Variants in MARCHF6 observed in about 807,000 individuals in gnomAD.
MARCHF6 encodes membrane associated ring-CH-type finger 6, also known as E3 ubiquitin-protein ligase MARCHF6.
Under a neutral mutation model 133.7 loss-of-function variants are expected in MARCHF6, and 31 were observed. The observed-to-expected ratio is 0.23, with a 90% CI of 0.17 to 0.31. The LOEUF (loss-of-function observed/expected upper bound fraction) is 0.31, where lower values mean the gene tolerates loss of function less well. Among genes scored for constraint, MARCHF6 ranks in the 10% least tolerant of loss-of-function variants. The probability of loss-of-function intolerance (pLI) is 1.00; values close to 1 mark genes in which losing one functional copy is unlikely to be tolerated. For synonymous variants in MARCHF6, 395 were observed against 402.5 expected (o/e 0.98, Z 0.22); for missense variants, 723 against 1,121.6 (o/e 0.64, Z 5.08).
chr5:10,383,775 T>A (rs1395813074), intron 4 of MARCHF6, among the ~76,000 whole-genome samples: 1 of 152,234 alleles, frequency 6.6e-6, no homozygotes, highest in Non-Finnish European at 1.5e-5. Flanking sequence ...GTCTCAATTG[T>A]TAATCTGCAA....
chr5:10,421,693 G>A (rs1163323674), intron 22 of MARCHF6, among the ~76,000 whole-genome samples: 1 of 152,168 alleles, frequency 6.6e-6, no homozygotes, highest in Non-Finnish European at 1.5e-5. Context: ...TCATTTGGGT[G>A]TCTGCTGGAC....
intron 4 of MARCHF6, among the ~76,000 whole-genome samples, chr5:10,383,827 AGATGAT>A (rs1017276993): frequency 1.3e-5 from 2 of 152,248 alleles, no homozygotes; most frequent in African/African-American, 4.8e-5. Context: ...CTAAAATTCC[AGATGAT>A]CTTAACGTGG....
chr5:10,432,938 T>C (rs1740439872), intron 25 of MARCHF6, among the ~76,000 whole-genome samples: 1 of 149,928 alleles, frequency 6.7e-6, no homozygotes, highest in Non-Finnish European at 1.5e-5. Context: ...AGTCACACTC[T>C]GTCACCCAGA....
chr5:10,414,566 A>G (rs1490577821), intron 20 of MARCHF6, 64 bp downstream of exon 20: 4 of 1,333,050 alleles, frequency 3.0e-6, no homozygotes, highest in African/African-American at 1.4e-5. Context: ...GCTATTTGAC[A>G]GAGTCTTGCT....
intron 1 of MARCHF6, among the ~76,000 whole-genome samples, chr5:10,367,449 TAAAA>T (rs1038739617): frequency 3.9e-5 from 6 of 152,170 alleles, no homozygotes; most frequent in African/African-American, 1.4e-4. Flanking sequence ...CTGTTAGTAA[TAAAA>T]AATAATTCTT....
chr5:10,372,009 C>G (rs1300368946), intron 1 of MARCHF6, among the ~76,000 whole-genome samples: 1 of 151,370 alleles, frequency 6.6e-6, no homozygotes, highest in Non-Finnish European at 1.5e-5. Context: ...CCTGTAATGC[C>G]CACTCCTCAT....
In MARCHF6 at chr5:10,417,226, C is replaced by T. The variant is rs201291267; in HGVS notation, c.2149-44C>T. ...CTCAAAATGGAAATAGAGTTTGGCTCAGAAAGATCCTCTTTAATGATGTGG... is the reference window on the plus strand; with the variant it reads ...CTCAAAATGGAAATAGAGTTTGGCTTAGAAAGATCCTCTTTAATGATGTGG... On this transcript the variant is annotated intron_variant, in intron 21 of 25. Coordinates refer to ENST00000274140, the MANE Select transcript of MARCHF6 (RefSeq NM_005885.4). 86 of 1,585,338 alleles carry T rather than the reference C, an allele frequency of 5.4e-5. No homozygotes were observed. In the African/African-American group the frequency reaches 1.1e-3, roughly 20 times the overall value.
intron 14 of MARCHF6, 26 bp from the exon 15 acceptor site, chr5:10,403,381 C>T (rs893479224): frequency 2.1e-5 from 33 of 1,601,598 alleles, no homozygotes; most frequent in Non-Finnish European, 2.7e-5. Context: ...GCACAGATTT[C>T]TCTTACCTGT....
rs1236617137 is a variant in MARCHF6 at position 10,390,519 on chromosome 5, A to C, written c.576+19A>C. On this transcript the variant is annotated intron_variant, in intron 6 of 25. Coordinates refer to ENST00000274140, the MANE Select transcript of MARCHF6 (RefSeq NM_005885.4). Reference sequence around the variant, plus strand: ...AAATGAGGTAACTCCCCTACCCCAAAATTGATTTTACTTAGGTAGGTCATG... The same window carrying C: ...AAATGAGGTAACTCCCCTACCCCAACATTGATTTTACTTAGGTAGGTCATG... The C allele has an allele frequency of 1.2e-6, 2 of 1,607,184 alleles. No individual in the cohort carries two copies. The highest frequency in any genetic ancestry group is 1.1e-5 in the South Asian group (1 of 90,384).
Position 10,386,982 on chromosome 5 carries a change from C to G in MARCHF6, c.335-12C>G. On this transcript the variant is annotated splice_polypyrimidine_tract_variant and intron_variant, in intron 4 of 25. Coordinates refer to ENST00000274140, the MANE Select transcript of MARCHF6 (RefSeq NM_005885.4). ...AGTTGTGACTGTGTGCCATCATGCT[C>G]TTTTTCGGTAGGCCGCATCTACAAG... The G allele has an allele frequency of 6.2e-7, 1 of 1,611,888 alleles. No individual in the cohort carries two copies. The highest frequency in any genetic ancestry group is 8.5e-7 in the Non-Finnish European group (1 of 1,178,100).
intron 25 of MARCHF6, among the ~76,000 whole-genome samples, chr5:10,431,654 AGT>A (rs755341884): frequency 2.7e-5 from 4 of 148,264 alleles, no homozygotes; most frequent in African/African-American, 1.0e-4. Flanking sequence ...TGTGTGTGAG[AGT>A]GTATGTGTGT....
At chr5:10,426,111 G>C (rs1379184691) in intron 23 of MARCHF6, among the ~76,000 whole-genome samples, 1 of 152,108 alleles carries the variant, frequency 6.6e-6, no homozygotes, top group Non-Finnish European at 1.5e-5. Flanking sequence ...ATGTCATCTG[G>C]TATTGTATAG....
At chr5:10,361,244 T>C (rs1386986459) in intron 1 of MARCHF6, among the ~76,000 whole-genome samples, 3 of 152,206 alleles carry the variant, frequency 2.0e-5, no homozygotes, top group African/African-American at 7.2e-5. Flanking sequence ...TTTATATTAT[T>C]TCAAATGGGA....
At chr5:10,379,173 C>T (rs959954243) in intron 3 of MARCHF6, among the ~76,000 whole-genome samples, 1 of 151,906 alleles carries the variant, frequency 6.6e-6, no homozygotes, top group Admixed American at 6.6e-5. Flanking sequence ...CAACTCATAG[C>T]CTGTCTTGTT....
At chr5:10,386,867 C>A in intron 4 of MARCHF6, 127 bp from the exon 5 acceptor site, 1 of 673,194 alleles carries the variant, frequency 1.5e-6, no homozygotes, top group South Asian at 1.7e-5. Flanking sequence ...GAGACTTAGG[C>A]TTGTAAAGAC....
intron 4 of MARCHF6, among the ~76,000 whole-genome samples, chr5:10,382,254 A>G (rs566419405): frequency 6.6e-6 from 1 of 152,296 alleles, no homozygotes; most frequent in East Asian, 1.9e-4. Flanking sequence ...TTCAAGGGCT[A>G]CAAAAGACGG....
intron 4 of MARCHF6, 156 bp from the exon 5 acceptor site, chr5:10,386,838 T>G (rs1274089313): frequency 1.8e-6 from 1 of 561,886 alleles, no homozygotes; most frequent in East Asian, 2.9e-5. Flanking sequence ...TGACTGTGTT[T>G]TTAAAAATTT....
intron 1 of MARCHF6, among the ~76,000 whole-genome samples, chr5:10,376,315 G>T (rs1736776752): frequency 6.6e-6 from 1 of 152,072 alleles, no homozygotes; most frequent in African/African-American, 2.4e-5. Flanking sequence ...TGCCTTAAGA[G>T]CTGTAACACT....
intron 3 of MARCHF6, among the ~76,000 whole-genome samples, chr5:10,381,568 T>C (rs939895070): frequency 6.6e-6 from 1 of 152,342 alleles, no homozygotes; most frequent in South Asian, 2.1e-4. Flanking sequence ...ATTGAATTTT[T>C]TTTTCCTGCC....
Sources: gnomAD v4.1 joint callset for allele counts (sites outside exome capture counted in the v4.1 genomes callset) on GRCh38, gnomAD v4.1.1 for gene constraint, MANE v1.5 for transcripts, NCBI Gene and HGNC (gene_info 2026-07-23, HGNC 2026-07-21) for gene names.